The following ADGRB3 variants were observed in gnomAD, a reference collection of about 807,000 sequenced individuals.
ADGRB3 encodes brain-specific angiogenesis inhibitor 3.
Under a neutral mutation model 193.4 loss-of-function variants are expected in ADGRB3, and 37 were observed. The observed-to-expected ratio is 0.19, with a 90% confidence interval of 0.15 to 0.25. The LOEUF (loss-of-function observed/expected upper bound fraction) is 0.25. Among genes scored for constraint, ADGRB3 ranks in the 10% least tolerant of loss-of-function variants. The probability of loss-of-function intolerance (pLI) is 1.00; values close to 1 mark genes in which losing one functional copy is unlikely to be tolerated. For synonymous variants in ADGRB3, 690 were observed against 644.2 expected (o/e 1.07, Z -1.08); for missense variants, 1,637 against 1,852.9 (o/e 0.88, Z 2.14).
At chr6:69,279,105 A>ATACATG (rs1767369051) in intron 20 of ADGRB3, among the ~76,000 whole-genome samples, 1 of 134,878 alleles carries the variant, frequency 7.4e-6, no homozygotes, top group Non-Finnish European at 1.6e-5. Flanking sequence ...ATATATATAT[A>ATACATG]TATATATATA....
intron 17 of ADGRB3, among the ~76,000 whole-genome samples, chr6:69,078,815 G>T (rs1216380862): frequency 1.3e-5 from 2 of 151,868 alleles, no homozygotes; most frequent in Non-Finnish European, 1.5e-5. Flanking sequence ...TTCCTCACTA[G>T]AAAATAAGCA....
intron 17 of ADGRB3, among the ~76,000 whole-genome samples, chr6:69,092,269 T>G (rs989097006): frequency 1.3e-5 from 2 of 152,204 alleles, no homozygotes; most frequent in African/African-American, 4.8e-5. Context: ...ACCAGAAACA[T>G]CTAGTGTTCA....
chr6:68,756,954 T>A (rs1037610689), intron 3 of ADGRB3, among the ~76,000 whole-genome samples: 1 of 152,140 alleles, frequency 6.6e-6, no homozygotes, highest in African/African-American at 2.4e-5. Context: ...CTCATGTCTG[T>A]GGCACTCCTT....
At chr6:69,021,581 TACTGTCATTTCCTAAAGAAATG>T (rs1449816138) in intron 13 of ADGRB3, among the ~76,000 whole-genome samples, 1 of 151,910 alleles carries the variant, frequency 6.6e-6, no homozygotes, top group Non-Finnish European at 1.5e-5. Context: ...ACTTTTTCCT[TACTGTCATTTCCTAAAGAAATG>T]ACACCTCATG....
chr6:68,802,299 G>A (rs1767327931), intron 3 of ADGRB3, among the ~76,000 whole-genome samples: 1 of 151,776 alleles, frequency 6.6e-6, no homozygotes, highest in Non-Finnish European at 1.5e-5. Flanking sequence ...TTATACTCTT[G>A]GAAACAAGAG....
intron 13 of ADGRB3, among the ~76,000 whole-genome samples, chr6:69,047,747 T>C (rs1771278305): frequency 6.6e-6 from 1 of 152,166 alleles, no homozygotes; most frequent in African/African-American, 2.4e-5. Context: ...CCAAAGACAA[T>C]GTTCAAATGA....
chr6:69,279,091 A>ATC (rs1767366628), intron 20 of ADGRB3, among the ~76,000 whole-genome samples: 1 of 126,252 alleles, frequency 7.9e-6, no homozygotes, highest in Non-Finnish European at 1.7e-5. Context: ...ATATATATAT[A>ATC]TATATATATA....
chr6:69,351,705 A>G (rs766259280), intron 26 of ADGRB3, among the ~76,000 whole-genome samples: 2 of 152,162 alleles, frequency 1.3e-5, no homozygotes, highest in South Asian at 4.1e-4. Flanking sequence ...TTGATTTTAT[A>G]TGTGTGTGTG....
chr6:68,701,139 A>G (rs1411952217), intron 3 of ADGRB3, among the ~76,000 whole-genome samples: 6 of 145,824 alleles, frequency 4.1e-5, no homozygotes, highest in African/African-American at 1.5e-4. Flanking sequence ...CAAAATGATT[A>G]GAATAATCAA....
intron 17 of ADGRB3, among the ~76,000 whole-genome samples, chr6:69,139,433 T>C (rs576611819): frequency 6.6e-6 from 1 of 152,358 alleles, no homozygotes; most frequent in South Asian, 2.1e-4. Flanking sequence ...TGTGGGTGTA[T>C]AGTCATTGTT....
At chr6:69,305,028 A>G (rs1768035737) in intron 20 of ADGRB3, among the ~76,000 whole-genome samples, 4 of 151,490 alleles carry the variant, frequency 2.6e-5, no homozygotes, top group African/African-American at 7.3e-5. Flanking sequence ...TTACGGGACC[A>G]TGAATATGTT....
chr6:68,733,003 C>T (rs971382845), intron 3 of ADGRB3, among the ~76,000 whole-genome samples: 1 of 151,596 alleles, frequency 6.6e-6, no homozygotes, highest in Non-Finnish European at 1.5e-5. Context: ...ACTTGGGAAC[C>T]AAACTCTGAG....
intron 3 of ADGRB3, among the ~76,000 whole-genome samples, chr6:68,659,228 T>A (rs1768563196): frequency 6.6e-6 from 1 of 150,922 alleles, no homozygotes; most frequent in South Asian, 2.1e-4. Flanking sequence ...TTTTTTTAAA[T>A]GATAAGTGAT....
intron 20 of ADGRB3, among the ~76,000 whole-genome samples, chr6:69,277,678 A>G (rs546601779): frequency 6.6e-6 from 1 of 152,180 alleles, no homozygotes; most frequent in Admixed American, 6.5e-5. Context: ...ACCTCCAATT[A>G]TTATTTGTAT....
At chr6:68,731,151 A>C (rs1190907422) in intron 3 of ADGRB3, among the ~76,000 whole-genome samples, 3 of 151,330 alleles carry the variant, frequency 2.0e-5, no homozygotes, top group African/African-American at 7.3e-5. Context: ...GAAATTGAAG[A>C]ATAATAATGA....
At chr6:69,278,639 C>CAAA (rs529420990) in intron 20 of ADGRB3, among the ~76,000 whole-genome samples, 130 of 152,214 alleles carry the variant, frequency 8.5e-4, no homozygotes, top group African/African-American at 2.4e-3. Context: ...CATGTTCAGG[C>CAAA]AAAAATCAGT....
At chr6:69,206,048 T>C (rs1305059805) in intron 17 of ADGRB3, among the ~76,000 whole-genome samples, 1 of 59,908 alleles carries the variant, frequency 1.7e-5, no homozygotes, top group South Asian at 4.3e-4. Context: ...AATAATGGTA[T>C]ATATATATAT....
chr6:68,661,724 G>T (rs1034688243), intron 3 of ADGRB3, among the ~76,000 whole-genome samples: 3 of 150,638 alleles, frequency 2.0e-5, no homozygotes, highest in Admixed American at 6.7e-5. Context: ...GGGAACTTCA[G>T]AAGGAATTTG....
At chr6:69,133,773 T>C (rs760970073) in intron 17 of ADGRB3, among the ~76,000 whole-genome samples, 56 of 152,074 alleles carry the variant, frequency 3.7e-4, no homozygotes, top group Non-Finnish European at 1.5e-4. Context: ...TCTGAGATTT[T>C]GATGCGCCCA....
Sources: allele counts gnomAD v4.1 joint callset (sites outside exome capture counted in the v4.1 genomes callset), GRCh38; gene constraint gnomAD v4.1.1; transcripts MANE v1.5; gene names NCBI Gene and HGNC (gene_info 2026-07-23, HGNC 2026-07-21).